Variants in R3HCC1L observed in about 807,000 individuals in gnomAD.
R3HCC1L encodes coiled-coil domain-containing protein R3HCC1L.
R3HCC1L carries 51 observed loss-of-function variants against 59.9 expected under a neutral mutation model. The ratio of observed to expected loss-of-function variants is 0.85; its 90% CI spans 0.68 to 1.07. R3HCC1L has a LOEUF of 1.07. Among genes scored for constraint, R3HCC1L ranks in the 50% least tolerant of loss-of-function variants. R3HCC1L has a pLI of 0.00. For synonymous variants in R3HCC1L, 322 were observed against 315.2 expected, an observed-to-expected ratio of 1.02 and a Z score of -0.23; for missense variants, 965 against 933.0, an observed-to-expected ratio of 1.03 and a Z score of -0.45.
chr10:98,146,767 G>A lies in R3HCC1L; in HGVS notation c.-267-9326G>A, dbSNP rs912663328. Among the ~76,000 whole-genome samples, 4 of 152,234 alleles carry A rather than the reference G, an allele frequency of 2.6e-5. No individual in the cohort carries two copies. The South Asian group carries it at 6.2e-4, about 24-fold the overall frequency. On this transcript the variant is annotated intron_variant, in intron 1 of 9. Coordinates refer to ENST00000298999, the MANE Select transcript of R3HCC1L (RefSeq NM_001351015.2). ...CTTCATGACTGAATAATATTCCACTGTGTATATGTACCACTTTTTCTTCTT... is the reference window on the plus strand; with the variant it reads ...CTTCATGACTGAATAATATTCCACTATGTATATGTACCACTTTTTCTTCTT...
At chr10:98,207,615 A>C (rs1183488778) in intron 4 of R3HCC1L, among the ~76,000 whole-genome samples, 1 of 152,180 alleles carries the variant, frequency 6.6e-6, no homozygotes, top group Non-Finnish European at 1.5e-5. Context: ...TTCTCTGATA[A>C]GTCATTTCAT....
intron 5 of R3HCC1L, among the ~76,000 whole-genome samples, chr10:98,226,419 G>A (rs1378405166): frequency 2.0e-5 from 3 of 152,208 alleles, no homozygotes; most frequent in Non-Finnish European, 4.4e-5. Context: ...TAAGGACTTA[G>A]AGAAATGGAA....
chr10:98,213,309 A>G (rs989285564), intron 5 of R3HCC1L, among the ~76,000 whole-genome samples: 1 of 152,190 alleles, frequency 6.6e-6, no homozygotes, highest in Non-Finnish European at 1.5e-5. Flanking sequence ...TATCACTGCT[A>G]TGTTAAAGGC....
At chr10:98,157,493 C>T (rs1364955501) in intron 2 of R3HCC1L, among the ~76,000 whole-genome samples, 3 of 152,232 alleles carry the variant, frequency 2.0e-5, no homozygotes, top group African/African-American at 7.2e-5. Context: ...TCGCTCCTTT[C>T]ACCCAGTGCC....
At chr10:98,244,025 G>A in intron 9 of R3HCC1L, 66 bp from the exon 10 acceptor site, 1 of 1,441,062 alleles carries the variant, frequency 6.9e-7, no homozygotes, top group Non-Finnish European at 9.8e-7. Context: ...CTTGTAATTT[G>A]GATTAAGGGA....
At chr10:98,192,037 C>T (rs571814378) in intron 4 of R3HCC1L, among the ~76,000 whole-genome samples, 33 of 152,222 alleles carry the variant, frequency 2.2e-4, no homozygotes, top group Admixed American at 9.8e-4. Flanking sequence ...GTTGGCCAGG[C>T]TGGTCATGAA....
At chr10:98,215,246 G>T (rs1854040426) in intron 5 of R3HCC1L, among the ~76,000 whole-genome samples, 1 of 151,390 alleles carries the variant, frequency 6.6e-6, no homozygotes, top group South Asian at 2.1e-4. Flanking sequence ...GGAATGACTA[G>T]AAAAAAAAGA....
intron 1 of R3HCC1L, among the ~76,000 whole-genome samples, chr10:98,147,423 CATTTGTCT>C (rs1845770339): frequency 1.3e-5 from 2 of 152,032 alleles, no homozygotes. Context: ...GATGTAGTCC[CATTTGTCT>C]ATTTTGCCTG....
At chr10:98,135,910 G>A (rs1844527135) in intron 1 of R3HCC1L, among the ~76,000 whole-genome samples, 1 of 152,010 alleles carries the variant, frequency 6.6e-6, no homozygotes, top group South Asian at 2.1e-4. Context: ...AATATAAATA[G>A]CCAAATATCC....
In R3HCC1L at chr10:98,145,201, T is replaced by C. The variant is rs17109023; in HGVS notation, c.-268+10495T>C. ...TGCCTTGGCAACTTTGTATGTTTGA[T>C]AAGCTCAAGTAGAGGGAATTGCTGA... is the stretch of plus-strand genomic sequence containing the variant. On this transcript the variant is annotated intron_variant, in intron 1 of 9. Coordinates refer to ENST00000298999, the MANE Select transcript of R3HCC1L (RefSeq NM_001351015.2). Among the ~76,000 whole-genome samples, 593 of 152,330 alleles carry C rather than the reference T, an allele frequency of 3.9e-3. 5 individuals carry two copies. In the East Asian group the frequency reaches 0.041, roughly 11 times the overall value.
chr10:98,204,136 C>T (rs115864479), intron 4 of R3HCC1L, among the ~76,000 whole-genome samples: 3,763 of 152,286 alleles, frequency 0.025, 147 homozygotes, highest in African/African-American at 0.081. Context: ...CGGCCCAGCA[C>T]GGTGGCTTAC....
Position 98,206,802 on chromosome 10 carries a change from C to A in R3HCC1L, c.-14-1299C>A, listed in dbSNP as rs144336869. ...AGTACTTCTGTCTTTGAAAATTAGG[C>A]ATTTTTTGAAAAATCCTGGCATGCC... On this transcript the variant is annotated intron_variant, in intron 4 of 9. Coordinates refer to ENST00000298999, the MANE Select transcript of R3HCC1L (RefSeq NM_001351015.2). 3.0e-3 allele frequency among the ~76,000 whole-genome samples: 456 copies of A among 152,232 alleles called. 4 individuals are homozygous for A. Among genetic ancestry groups the A allele is most frequent in the African/African-American group, 9.3e-3 (387 of 41,544 alleles).
intron 5 of R3HCC1L, among the ~76,000 whole-genome samples, chr10:98,214,829 G>A (rs892818977): frequency 2.6e-5 from 4 of 152,160 alleles, no homozygotes; most frequent in African/African-American, 9.7e-5. Context: ...TGGAATGTTA[G>A]CATTTAAAAT....
rs548239346 is a variant in R3HCC1L at position 98,195,804 on chromosome 10, A to G, written c.-14-12297A>G. ...TTGTCATCAGAACACTGAGCACTGT[A>G]TAAAAATTCATCGATAAATATTAGC... On this transcript the variant is annotated intron_variant, in intron 4 of 9. Coordinates refer to ENST00000298999, the MANE Select transcript of R3HCC1L (RefSeq NM_001351015.2). Among the ~76,000 whole-genome samples the G allele has an allele frequency of 3.9e-5, 6 of 152,324 alleles. No homozygotes were observed. In the South Asian group the frequency reaches 1.2e-3, roughly 32 times the overall value.
At position 98,189,235 on chromosome 10, in the gene R3HCC1L, G is replaced by T. The variant is rs550077275; in HGVS notation, c.-14-18866G>T. Among the ~76,000 whole-genome samples the T allele has an allele frequency of 2.0e-5, 3 of 152,228 alleles. No homozygotes were observed. In the South Asian group the frequency reaches 6.2e-4, roughly 32 times the overall value. ...GAAGAGAAAGAAACAATAAAAATCA[G>T]GTACTCTACTAAAACAAAAAATAGT... On this transcript the variant is annotated intron_variant, in intron 4 of 9. Coordinates refer to ENST00000298999, the MANE Select transcript of R3HCC1L (RefSeq NM_001351015.2).
At chr10:98,190,765 T>C (rs947788426) in intron 4 of R3HCC1L, among the ~76,000 whole-genome samples, 16 of 152,140 alleles carry the variant, frequency 1.1e-4, no homozygotes, top group Non-Finnish European at 2.4e-4. Context: ...CAAATTATCA[T>C]TTACATTAGG....
intron 5 of R3HCC1L, among the ~76,000 whole-genome samples, chr10:98,215,043 G>C (rs1165501790): frequency 6.6e-6 from 1 of 152,150 alleles, no homozygotes; most frequent in Non-Finnish European, 1.5e-5. Context: ...TGTGCCTCCT[G>C]GTTTCTAGCC....
At chr10:98,203,385 G>C (rs754121581) in intron 4 of R3HCC1L, among the ~76,000 whole-genome samples, 4 of 152,122 alleles carry the variant, frequency 2.6e-5, no homozygotes, top group Admixed American at 6.5e-5. Context: ...TTTTACTTTT[G>C]TAACATCTAT....
At chr10:98,215,595 TAAAAG>T (rs1854100483) in intron 5 of R3HCC1L, among the ~76,000 whole-genome samples, 1 of 152,188 alleles carries the variant, frequency 6.6e-6, no homozygotes, top group Non-Finnish European at 1.5e-5. Flanking sequence ...CAGCATTTCT[TAAAAG>T]AATACATAAA....
Sources: allele counts gnomAD v4.1 joint callset (sites outside exome capture counted in the v4.1 genomes callset), GRCh38; gene constraint gnomAD v4.1.1; transcripts MANE v1.5; gene names NCBI Gene and HGNC (gene_info 2026-07-23, HGNC 2026-07-21).